ALK: variants seen among roughly 807,000 people sequenced by gnomAD.
The protein encoded by ALK is ALK receptor tyrosine kinase, also known as ALK tyrosine kinase receptor.
ALK carries 74 observed loss-of-function variants against 163.1 expected under a neutral mutation model. That is an observed-to-expected ratio of 0.45 (90% CI 0.38 to 0.55). The LOEUF (loss-of-function observed/expected upper bound fraction) is 0.55, where lower values mean the gene tolerates loss of function less well. ALK is among the 20% of genes least tolerant of loss of function. The pLI, the probability that ALK is intolerant of heterozygous loss-of-function variation, is 0.00. For synonymous variants in ALK, 960 were observed against 843.2 expected (o/e 1.14, Z -2.40); for missense variants, 2,063 against 2,105.3 (o/e 0.98, Z 0.39).
intron 1 of ALK, among the ~76,000 whole-genome samples, chr2:29,889,574 G>A (rs917133980): frequency 1.3e-5 from 2 of 151,956 alleles, no homozygotes; most frequent in South Asian, 2.1e-4. Context: ...AGTGACAGCC[G>A]AGAGAAAGTG....
At chr2:29,580,700 C>A (rs531991639) in intron 3 of ALK, among the ~76,000 whole-genome samples, 3 of 152,312 alleles carry the variant, frequency 2.0e-5, no homozygotes, top group Admixed American at 6.5e-5. Flanking sequence ...AGATGTGGAG[C>A]GGAAAATTGC....
intron 11 of ALK, among the ~76,000 whole-genome samples, chr2:29,266,183 C>A (rs867424442): frequency 3.9e-5 from 6 of 152,184 alleles, no homozygotes; most frequent in Admixed American, 6.5e-5. Context: ...TCGGGCAATC[C>A]TCTATACCCC....
chr2:29,494,843 C>CGTGT (rs35306598), intron 4 of ALK, among the ~76,000 whole-genome samples: 5,309 of 147,252 alleles, frequency 0.036, 136 homozygotes, highest in African/African-American at 0.075. Flanking sequence ...TTTAGAGACT[C>CGTGT]GTGTGTGTGT....
Position 29,232,009 on chromosome 2 carries a change from A to G in ALK, c.2632+295T>C, listed in dbSNP as rs370162602. On this transcript the variant is annotated intron_variant, in intron 15 of 28. Coordinates refer to ENST00000389048, the MANE Select transcript of ALK (RefSeq NM_004304.5). The stretch of plus-strand genomic sequence containing the variant: ...CCCATCTGCCCCTGGAGGAAGAAGG[A>G]ATCTCAGGGGGAGGCTCTAACAATT... Among the ~76,000 whole-genome samples the G allele has an allele frequency of 6.3e-5, 9 of 142,592 alleles. 1 individual carries two copies. In the East Asian group the frequency reaches 1.6e-3, roughly 25 times the overall value. 93.5% of individuals were successfully genotyped at this position (142,592 alleles called of 152,430 possible).
At chr2:29,410,970 T>C (rs976881612) in intron 4 of ALK, among the ~76,000 whole-genome samples, 7 of 152,264 alleles carry the variant, frequency 4.6e-5, no homozygotes, top group Non-Finnish European at 1.0e-4. Context: ...TTTTGACTTT[T>C]TGATTCTTGT....
At chr2:29,512,590 G>C (rs1157935750) in intron 4 of ALK, among the ~76,000 whole-genome samples, 42 of 147,858 alleles carry the variant, frequency 2.8e-4, no homozygotes, top group African/African-American at 1.0e-3. Flanking sequence ...ACTGGCACAA[G>C]ACAGGGATGC....
intron 8 of ALK, 129 bp downstream of exon 8, chr2:29,318,175 G>T: frequency 1.3e-6 from 1 of 741,624 alleles, no homozygotes. Flanking sequence ...GATGGCAGAG[G>T]TGGCCCTCTT....
At chr2:29,195,756 G>T (rs1243088726) in intron 28 of ALK, among the ~76,000 whole-genome samples, 2 of 152,052 alleles carry the variant, frequency 1.3e-5, no homozygotes, top group Non-Finnish European at 2.9e-5. Context: ...AATAAATAGT[G>T]GTTTATTGAC....
intron 3 of ALK, among the ~76,000 whole-genome samples, chr2:29,693,411 A>ACACACG (rs1240518940): frequency 8.3e-6 from 1 of 120,314 alleles, no homozygotes. Context: ...TCACCTACAC[A>ACACACG]CACACACACA....
chr2:29,221,946 G>A (rs915845708), intron 22 of ALK, among the ~76,000 whole-genome samples: 1 of 152,218 alleles, frequency 6.6e-6, no homozygotes, highest in African/African-American at 2.4e-5. Context: ...GGGAGCCTAG[G>A]ATGGGGTGGC....
chr2:29,326,876 G>GTCT (rs1275346317), intron 6 of ALK, among the ~76,000 whole-genome samples: 5 of 152,158 alleles, frequency 3.3e-5, no homozygotes, highest in African/African-American at 1.2e-4. Context: ...GGCCACTGGG[G>GTCT]TCTGCATATC....
chr2:29,353,897 G>A (rs1157191392), intron 5 of ALK, among the ~76,000 whole-genome samples: 1 of 152,156 alleles, frequency 6.6e-6, no homozygotes, highest in African/African-American at 2.4e-5. Context: ...TTGGTACTTT[G>A]TTTTGCCTGA....
intron 24 of ALK, among the ~76,000 whole-genome samples, chr2:29,213,655 T>C (rs1330428521): frequency 6.6e-6 from 1 of 152,148 alleles, no homozygotes; most frequent in Non-Finnish European, 1.5e-5. Context: ...AAGGGGCAAG[T>C]GAATCCCTGA....
At chr2:29,573,152 CTG>C (rs1178538378) in intron 3 of ALK, among the ~76,000 whole-genome samples, 1 of 152,220 alleles carries the variant, frequency 6.6e-6, no homozygotes, top group African/African-American at 2.4e-5. Context: ...TAAAACAAGA[CTG>C]TGGCTCCCTG....
rs73923627 is a variant in ALK, at chr2:29,431,110, G to A, written c.1155-47251C>T. Among the ~76,000 whole-genome samples the A allele has an allele frequency of 6.9e-3, 1,053 of 151,578 alleles. 20 individuals carry two copies. Among genetic ancestry groups the A allele is most frequent in the African/African-American group, 0.024 (974 of 41,286 alleles). ...GCCAGACACAAGAGAATCAGTATAA[G>A]CTAAGAGCTACAAAGGACAACAGTA... On this transcript the variant is annotated intron_variant, in intron 4 of 28. Transcript: ENST00000389048.
intron 3 of ALK, among the ~76,000 whole-genome samples, chr2:29,609,675 GCT>G (rs1173042187): frequency 2.0e-5 from 3 of 148,660 alleles, no homozygotes; most frequent in African/African-American, 7.5e-5. Context: ...ACAGGGTCTT[GCT>G]CTGTCACCCA....
At chr2:29,905,991 C>T (rs992792907) in intron 1 of ALK, among the ~76,000 whole-genome samples, 14 of 152,202 alleles carry the variant, frequency 9.2e-5, no homozygotes, top group African/African-American at 3.4e-4. Context: ...TATTGTACCC[C>T]TGCCTGCAGT....
chr2:29,256,135 A>G (rs1664943705), intron 11 of ALK, among the ~76,000 whole-genome samples: 1 of 152,176 alleles, frequency 6.6e-6, no homozygotes, highest in Non-Finnish European at 1.5e-5. Context: ...CAGGTCTAAA[A>G]CCAGAGAGGC....
At chr2:29,505,932 C>A (rs1422230523) in intron 4 of ALK, among the ~76,000 whole-genome samples, 1 of 152,072 alleles carries the variant, frequency 6.6e-6, no homozygotes, top group African/African-American at 2.4e-5. Flanking sequence ...TGTAATAAAA[C>A]CCACATGGAC....
Sources: allele counts gnomAD v4.1 joint callset (sites outside exome capture counted in the v4.1 genomes callset), GRCh38; gene constraint gnomAD v4.1.1; transcripts MANE v1.5; gene names NCBI Gene and HGNC (gene_info 2026-07-23, HGNC 2026-07-21).